The following FAM117B variants were observed in gnomAD, a reference collection of about 807,000 sequenced individuals.
FAM117B encodes the protein protein FAM117B.
A neutral mutation model predicts 52.8 loss-of-function variants in FAM117B; 22 were observed. The ratio of observed to expected loss-of-function variants is 0.42; its 90% CI spans 0.30 to 0.59. The LOEUF is 0.59. Ranked by LOEUF, FAM117B falls within the 20% of genes least tolerant of loss-of-function variation. The pLI, the probability that FAM117B is intolerant of heterozygous loss-of-function variation, is 0.22. For missense variants in FAM117B, 678 were observed against 802.6 expected, an observed-to-expected ratio of 0.84 and a Z score of 1.88; for synonymous variants, 309 against 324.1, an observed-to-expected ratio of 0.95 and a Z score of 0.50.
At chr2:202,651,258 C>T (rs1038818283) in intron 1 of FAM117B, among the ~76,000 whole-genome samples, 1 of 151,976 alleles carries the variant, frequency 6.6e-6, no homozygotes, top group Non-Finnish European at 1.5e-5. Flanking sequence ...GACAGGGTTT[C>T]ACTACGTTGG....
intron 5 of FAM117B, among the ~76,000 whole-genome samples, chr2:202,756,369 GA>G (rs756113152): frequency 5.3e-4 from 75 of 141,336 alleles, no homozygotes; most frequent in East Asian, 1.9e-3. Context: ...AGCTGAGATC[GA>G]AAAAAAAAAA....
chr2:202,635,507 C>T lies in FAM117B; in HGVS notation c.320C>T (p.Pro107Leu). 2 of 1,087,656 alleles carry T rather than the reference C, an allele frequency of 1.8e-6. No homozygotes were observed. Among genetic ancestry groups the T allele is most frequent in the Non-Finnish European group, 2.2e-6 (2 of 898,510 alleles). The allele number at this position is 1,087,656 out of a possible 1,614,324, so 67.4% of individuals were successfully genotyped here. The change falls in exon 1 of 8, where the codon CCC (proline) becomes CTC (leucine). Residue 107 changes from proline (P) to leucine (L), a missense_variant. By Grantham distance (98) the Pro-to-Leu change is moderately conservative. Around this residue, in one of 3 missense-constraint regions of FAM117B, gnomAD observed 583 missense variants for 644.8 expected, o/e 0.90. Transcript: ENST00000392238. ...GGGNAAARTS[P>L]TVATQTGASA... ...GGGAACGCGGCCGCGCGCACCAGCC[C>T]CACGGTGGCCACGCAGACGGGCGCG...
At chr2:202,695,759 C>T (rs1690700135) in intron 1 of FAM117B, 122 bp from the exon 2 acceptor site, 1 of 998,206 alleles carries the variant, frequency 1.0e-6, no homozygotes, top group Non-Finnish European at 1.4e-6. Flanking sequence ...TGGAAGTATC[C>T]CCTGTGGTTA....
Position 202,635,485 on chromosome 2 carries a change from A to G in FAM117B, c.298A>G (p.Asn100Asp), listed in dbSNP as rs1689666401. The G allele has an allele frequency of 1.9e-6, 2 of 1,037,028 alleles. No homozygotes were observed. 64.2% of individuals were successfully genotyped at this position (1,037,028 alleles called of 1,614,324 possible). A position where few individuals can be genotyped will look rare whatever the true frequency, so the allele number is the denominator to read the frequency against. The part of the protein sequence containing the change: ...RSTSPTRGGG[N>D]AAARTSPTVA... ...CACCAGCCCCACGCGCGGCGGCGGG[A>G]ACGCGGCCGCGCGCACCAGCCCCAC... Residue 100 changes from asparagine (N) to aspartate (D), a missense_variant, in exon 1 of 8, where the codon AAC becomes GAC. Around this residue, in one of 3 missense-constraint regions of FAM117B, gnomAD observed 583 missense variants for 644.8 expected, o/e 0.90. Transcript: ENST00000392238.
chr2:202,645,283 CTTT>C (rs538990959), intron 1 of FAM117B, among the ~76,000 whole-genome samples: 1 of 138,350 alleles, frequency 7.2e-6, no homozygotes, highest in Non-Finnish European at 1.6e-5. Context: ...TTTTTTCTTT[CTTT>C]TTTTTTTTGT....
Position 202,695,880 on chromosome 2 carries a change from G to GT in FAM117B, c.602-1_602insT (p.Gly201ValfsTer2). ...AACAAGCATTTTTGTCTTAAATCTA[G>GT]GTGACAAAACACGACAGCCTTCTTC... On this transcript the variant is annotated frameshift_variant and splice_region_variant. Transcript: ENST00000392238. LOFTEE classifies it high-confidence loss of function. 6.3e-7 allele frequency: 1 copy of GT among 1,581,176 alleles called. No individual in the cohort carries two copies. Among genetic ancestry groups the GT allele is most frequent in the Non-Finnish European group, 8.6e-7 (1 of 1,163,656 alleles).
chr2:202,760,083 C>T (rs1367751136), intron 7 of FAM117B, among the ~76,000 whole-genome samples: 1 of 152,232 alleles, frequency 6.6e-6, no homozygotes, highest in Non-Finnish European at 1.5e-5. Context: ...TAATAGCTAA[C>T]ATTTTGCAGT....
chr2:202,635,654 C>G lies in FAM117B; in HGVS notation c.467C>G (p.Ser156Trp). Residue 156 changes from serine (S) to tryptophan (W), a missense_variant, in exon 1 of 8, where the codon TCG becomes TGG. Ser to Trp is a radical substitution (Grantham distance 177, BLOSUM62 -3). Around this residue, in one of 3 missense-constraint regions of FAM117B, gnomAD observed 583 missense variants for 644.8 expected, o/e 0.90. Coordinates refer to ENST00000392238, the MANE Select transcript of FAM117B (RefSeq NM_173511.4). ...LLGTVSSPSS[S>W]PTHLWTGEVS... ...GGCACCGTGTCGTCGCCCAGCTCGT[C>G]GCCCACCCACCTGTGGACCGGCGAG... 1 of 1,354,274 alleles carries G rather than the reference C, an allele frequency of 7.4e-7. No homozygotes were observed. Among genetic ancestry groups the G allele is most frequent in the Non-Finnish European group, 9.5e-7 (1 of 1,055,698 alleles). 83.9% of individuals were successfully genotyped at this position (1,354,274 alleles called of 1,614,324 possible).
At chr2:202,671,038 T>C (rs2105765692) in intron 1 of FAM117B, among the ~76,000 whole-genome samples, 1 of 152,354 alleles carries the variant, frequency 6.6e-6, no homozygotes, top group Non-Finnish European at 1.5e-5. Flanking sequence ...CTAAAGTAAT[T>C]GTGATCTTCA....
chr2:202,714,231 G>A (rs991219871), intron 2 of FAM117B, among the ~76,000 whole-genome samples: 2 of 151,974 alleles, frequency 1.3e-5, no homozygotes, highest in African/African-American at 2.4e-5. Flanking sequence ...ACCTAACATA[G>A]TCTGTCCTTG....
intron 1 of FAM117B, among the ~76,000 whole-genome samples, chr2:202,678,235 G>A (rs1297172550): frequency 1.3e-5 from 2 of 152,200 alleles, no homozygotes; most frequent in Non-Finnish European, 2.9e-5. Flanking sequence ...AGAGAAGGAA[G>A]AAGCTCCCTT....
chr2:202,690,681 G>A (rs1343065323), intron 1 of FAM117B, among the ~76,000 whole-genome samples: 2 of 152,184 alleles, frequency 1.3e-5, no homozygotes, highest in Admixed American at 6.5e-5. Context: ...ACTGGGAACT[G>A]CAAGTCCATG....
chr2:202,735,850 TATATAC>T (rs1691430877), intron 4 of FAM117B, among the ~76,000 whole-genome samples: 1 of 152,206 alleles, frequency 6.6e-6, no homozygotes, highest in Non-Finnish European at 1.5e-5. Context: ...TTGTTACATA[TATATAC>T]ATGTGTCATG....
chr2:202,704,826 C>G (rs1186994445), intron 2 of FAM117B, among the ~76,000 whole-genome samples: 3 of 151,864 alleles, frequency 2.0e-5, no homozygotes, highest in Non-Finnish European at 4.4e-5. Flanking sequence ...GTCTCGAACA[C>G]CTGACCTCAG....
In FAM117B at chr2:202,766,103, CACA is replaced by C. The variant is rs1431291470; in HGVS notation, c.*340_*342del. ...ACACACACACACACACACACACACA[CACA>C]CCCCTGATCCTTGCCAACATGATTC... On this transcript the variant is annotated 3_prime_UTR_variant, in exon 8 of 8. Coordinates refer to ENST00000392238, the MANE Select transcript of FAM117B (RefSeq NM_173511.4). The C allele has an allele frequency of 2.8e-4, 46 of 164,908 alleles. No individual in the cohort carries two copies. The highest frequency in any genetic ancestry group is 4.8e-4 in the Non-Finnish European group (39 of 80,880). 10.2% of individuals were successfully genotyped at this position (164,908 alleles called of 1,614,324 possible).
At chr2:202,739,677 G>A (rs1008465285) in intron 4 of FAM117B, among the ~76,000 whole-genome samples, 2 of 152,148 alleles carry the variant, frequency 1.3e-5, no homozygotes, top group South Asian at 4.2e-4. Context: ...GCCTGGTCTC[G>A]AAGTCTGGTC....
intron 1 of FAM117B, among the ~76,000 whole-genome samples, chr2:202,680,188 A>G (rs1328567588): frequency 6.6e-6 from 1 of 152,150 alleles, no homozygotes; most frequent in Non-Finnish European, 1.5e-5. Flanking sequence ...GAAATAATGA[A>G]CAGAACCTTT....
Position 202,635,786 on chromosome 2 carries a change from C to T in FAM117B, c.599C>T (p.Ala200Val), listed in dbSNP as rs780379742. 2.2e-5 allele frequency: 32 copies of T among 1,449,084 alleles called. No homozygotes were observed. In the South Asian group the frequency reaches 4.2e-4, roughly 19 times the overall value. The allele number at this position is 1,449,084 out of a possible 1,614,324, so 89.8% of individuals were successfully genotyped here. A position where few individuals can be genotyped will look rare whatever the true frequency, so the allele number is the denominator to read the frequency against. ...KRSPSAPVCK[A>V]GDKTRQPSSS... Reference sequence around the variant, plus strand: ...AGCCCCAGCGCCCCGGTTTGCAAAGCAGGTAAGTGCTGGGGGTCGCGCAGC... The same window carrying T: ...AGCCCCAGCGCCCCGGTTTGCAAAGTAGGTAAGTGCTGGGGGTCGCGCAGC... Residue 200 changes from alanine (A) to valine (V), a missense_variant and splice_region_variant, in exon 1 of 8, where the codon GCA becomes GTA. Around this residue, in one of 3 missense-constraint regions of FAM117B, gnomAD observed 583 missense variants for 644.8 expected, o/e 0.90. Coordinates refer to ENST00000392238, the MANE Select transcript of FAM117B (RefSeq NM_173511.4).
chr2:202,725,529 G>A (rs1691227971), intron 3 of FAM117B, among the ~76,000 whole-genome samples: 1 of 152,100 alleles, frequency 6.6e-6, no homozygotes, highest in Non-Finnish European at 1.5e-5. Flanking sequence ...ATGTTGTCCA[G>A]GCTGGTCTCT....
Sources: allele counts gnomAD v4.1 joint callset (sites outside exome capture counted in the v4.1 genomes callset), GRCh38; gene constraint gnomAD v4.1.1; regional missense constraint gnomAD v4.1.1; transcripts MANE v1.5; gene names NCBI Gene and HGNC (gene_info 2026-07-23, HGNC 2026-07-21).